Variants in LAMA2 observed in about 807,000 individuals in gnomAD.
LAMA2 encodes laminin subunit alpha 2, also known as laminin subunit alpha-2.
A neutral mutation model predicts 364.8 loss-of-function variants in LAMA2; 269 were observed. That is an observed-to-expected ratio of 0.74 (90% CI 0.67 to 0.82). LAMA2 has a LOEUF of 0.82. Among genes scored for constraint, LAMA2 ranks in the 40% least tolerant of loss-of-function variants. The pLI, the probability that LAMA2 is intolerant of heterozygous loss-of-function variation, is 0.00. For synonymous variants in LAMA2, 1,379 were observed against 1,370.6 expected (o/e 1.01, Z -0.14); for missense variants, 3,807 against 3,873.2 (o/e 0.98, Z 0.45).
chr6:129,452,727 A>G (rs1372028585), intron 45 of LAMA2, among the ~76,000 whole-genome samples: 1 of 152,212 alleles, frequency 6.6e-6, no homozygotes, highest in Admixed American at 6.5e-5. Flanking sequence ...GAAGTTTGTT[A>G]GTTGCATGCT....
In LAMA2 at chr6:128,943,166, G is replaced by A. The variant is rs114609210; in HGVS notation, c.112+59809G>A. On this transcript the variant is annotated intron_variant, in intron 1 of 64. Transcript: ENST00000421865. Reference sequence around the variant, plus strand: ...TTTCTTTGTGGTCTTGTGTGTGTGTGTATATATATAAACACATACGCACAA... The same window carrying A: ...TTTCTTTGTGGTCTTGTGTGTGTGTATATATATATAAACACATACGCACAA... 2.4e-3 allele frequency among the ~76,000 whole-genome samples: 358 copies of A among 152,034 alleles called. 2 individuals are homozygous for A. The highest frequency in any genetic ancestry group is 7.8e-3 in the African/African-American group (324 of 41,428).
rs139733835 is a variant in LAMA2, at chr6:128,962,713, A to C, written c.112+79356A>C. On this transcript the variant is annotated intron_variant, in intron 1 of 64. Coordinates refer to ENST00000421865, the MANE Select transcript of LAMA2 (RefSeq NM_000426.4). ...AGGCTTTGACATCCATATGATGTGG[A>C]CCTCTGGGTACTAAAGAAGTCTATA... Among the ~76,000 whole-genome samples, 677 of 152,302 alleles carry C rather than the reference A, an allele frequency of 4.4e-3. 6 individuals are homozygous for C. The highest frequency in any genetic ancestry group is 0.015 in the African/African-American group (631 of 41,580).
At chr6:129,019,567 C>T (rs1461716822) in intron 1 of LAMA2, among the ~76,000 whole-genome samples, 1 of 151,578 alleles carries the variant, frequency 6.6e-6, no homozygotes, top group Non-Finnish European at 1.5e-5. Flanking sequence ...TTCTATTTTT[C>T]TTCTTGAATC....
chr6:129,056,994 A>G (rs1470133209), intron 2 of LAMA2, among the ~76,000 whole-genome samples: 2 of 151,930 alleles, frequency 1.3e-5, no homozygotes, highest in Non-Finnish European at 1.5e-5. Context: ...CAGCCTCCCA[A>G]AGTGCTGGGA....
At chr6:128,992,741 A>G (rs186204253) in intron 1 of LAMA2, among the ~76,000 whole-genome samples, 2 of 152,280 alleles carry the variant, frequency 1.3e-5, no homozygotes, top group African/African-American at 4.8e-5. Flanking sequence ...TAGGGTAGGA[A>G]GACACCAGCT....
intron 43 of LAMA2, among the ~76,000 whole-genome samples, chr6:129,441,688 G>A (rs1028693556): frequency 2.0e-5 from 3 of 151,976 alleles, no homozygotes; most frequent in African/African-American, 7.2e-5. Flanking sequence ...ATGATACAAG[G>A]CTATATTGGG....
intron 28 of LAMA2, among the ~76,000 whole-genome samples, chr6:129,325,788 G>T (rs752700977): frequency 2.0e-5 from 3 of 151,974 alleles, no homozygotes; most frequent in Non-Finnish European, 4.4e-5. Flanking sequence ...TAAAATCAAG[G>T]CTTCCCTATT....
At position 129,351,311 on chromosome 6, in the gene LAMA2, T is replaced by G. The variant is rs1032028179; in HGVS notation, c.4524-1853T>G. The stretch of plus-strand genomic sequence containing the variant: ...CAATTATTGTGTTAAAGCAGAATGA[T>G]TACAGAAAATTTATTTGTTAATATC... On this transcript the variant is annotated intron_variant, in intron 31 of 64. Transcript: ENST00000421865. 2.6e-5 allele frequency among the ~76,000 whole-genome samples: 4 copies of G among 152,174 alleles called. No homozygotes were observed. In the South Asian group the frequency reaches 8.3e-4, roughly 32 times the overall value.
chr6:129,071,476 C>T (rs1773309246), intron 3 of LAMA2, among the ~76,000 whole-genome samples: 1 of 152,014 alleles, frequency 6.6e-6, no homozygotes, highest in South Asian at 2.1e-4. Context: ...ATTTTCTTAG[C>T]TTCTTGAAAT....
chr6:129,473,408 G>C, intron 52 of LAMA2, 56 bp downstream of exon 52: 1 of 1,506,574 alleles, frequency 6.6e-7, no homozygotes, highest in Non-Finnish European at 9.2e-7. Context: ...TGACCACTAT[G>C]CTCACTAGAG....
At chr6:129,495,600 A>G (rs1785127549) in intron 58 of LAMA2, among the ~76,000 whole-genome samples, 1 of 152,122 alleles carries the variant, frequency 6.6e-6, no homozygotes, top group Non-Finnish European at 1.5e-5. Flanking sequence ...CTTCTCTACC[A>G]CTAGAACATC....
At chr6:129,504,591 C>G (rs1785908287) in intron 60 of LAMA2, among the ~76,000 whole-genome samples, 1 of 152,146 alleles carries the variant, frequency 6.6e-6, no homozygotes, top group East Asian at 1.9e-4. Flanking sequence ...TCTTTACACC[C>G]CTTATTTCAT....
chr6:129,098,086 C>G, intron 3 of LAMA2, 87 bp from the exon 4 acceptor site: 1 of 1,336,910 alleles, frequency 7.5e-7, no homozygotes, highest in Non-Finnish European at 1.1e-6. Context: ...GAAATAAAAT[C>G]TACTGTAGCA....
chr6:129,023,269 T>C (rs1012219891), intron 1 of LAMA2, among the ~76,000 whole-genome samples: 1 of 152,182 alleles, frequency 6.6e-6, no homozygotes, highest in Non-Finnish European at 1.5e-5. Flanking sequence ...CCATCTTTCT[T>C]TGGGGACTCT....
chr6:129,279,986 G>A (rs749850042), intron 17 of LAMA2, 75 bp from the exon 18 acceptor site: 1 of 966,840 alleles, frequency 1.0e-6, no homozygotes, highest in Admixed American at 1.7e-5. Flanking sequence ...TGGAGAGAGA[G>A]AAATGAGAAA....
chr6:128,983,751 A>G (rs766687425), intron 1 of LAMA2, among the ~76,000 whole-genome samples: 2 of 152,204 alleles, frequency 1.3e-5, no homozygotes, highest in Non-Finnish European at 2.9e-5. Flanking sequence ...AGATTAAGAC[A>G]GTAGGAAGGA....
chr6:129,269,741 T>A (rs958016775), intron 16 of LAMA2, among the ~76,000 whole-genome samples: 2 of 152,038 alleles, frequency 1.3e-5, no homozygotes, highest in African/African-American at 2.4e-5. Flanking sequence ...AACTTAAAAA[T>A]TGAAAGGAAG....
chr6:129,358,006 C>T (rs1215786802), intron 32 of LAMA2, among the ~76,000 whole-genome samples: 2 of 151,948 alleles, frequency 1.3e-5, no homozygotes, highest in African/African-American at 2.4e-5. Context: ...TCTCTCTGCT[C>T]GTACTCACTG....
intron 8 of LAMA2, among the ~76,000 whole-genome samples, chr6:129,161,592 G>T (rs1315841573): frequency 6.6e-6 from 1 of 151,870 alleles, no homozygotes; most frequent in Non-Finnish European, 1.5e-5. Context: ...ATGGGATTTG[G>T]TGTACAGATT....
Sources: gnomAD v4.1 joint callset for allele counts (sites outside exome capture counted in the v4.1 genomes callset) on GRCh38, gnomAD v4.1.1 for gene constraint, MANE v1.5 for transcripts, NCBI Gene and HGNC (gene_info 2026-07-23, HGNC 2026-07-21) for gene names.